TNR: variants seen among roughly 807,000 people sequenced by gnomAD.
TNR encodes tenascin-R.
In TNR, 45 loss-of-function variants were observed where a neutral mutation model predicts 150.4. The ratio of observed to expected loss-of-function variants is 0.30; its 90% confidence interval spans 0.24 to 0.38. The LOEUF is 0.38. TNR is among the 10% of genes least tolerant of loss of function. The probability of loss-of-function intolerance (pLI) is 1.00; values close to 1 mark genes in which losing one functional copy is unlikely to be tolerated. For synonymous variants in TNR, 687 were observed against 678.4 expected, an observed-to-expected ratio of 1.01 and a Z score of -0.20; for missense variants, 1,544 against 1,759.1, an observed-to-expected ratio of 0.88 and a Z score of 2.19.
At chr1:175,453,839 C>T (rs1275698456) in intron 2 of TNR, among the ~76,000 whole-genome samples, 1 of 152,170 alleles carries the variant, frequency 6.6e-6, no homozygotes, top group Non-Finnish European at 1.5e-5. Context: ...TCTCAAAGTG[C>T]TGGTGTTACA....
intron 2 of TNR, among the ~76,000 whole-genome samples, chr1:175,491,832 G>A (rs1282833546): frequency 6.6e-6 from 1 of 151,892 alleles, no homozygotes; most frequent in Non-Finnish European, 1.5e-5. Context: ...TGTATTTTTA[G>A]TAGAGACGGG....
chr1:175,727,080 G>C (rs567791600), intron 1 of TNR, among the ~76,000 whole-genome samples: 1 of 152,298 alleles, frequency 6.6e-6, no homozygotes, highest in African/African-American at 2.4e-5. Flanking sequence ...GCTCTCACAA[G>C]GGGGCTGCCT....
At chr1:175,682,809 C>T (rs1038520934) in intron 1 of TNR, among the ~76,000 whole-genome samples, 1 of 151,998 alleles carries the variant, frequency 6.6e-6, no homozygotes, top group African/African-American at 2.4e-5. Context: ...AGCATGGCAC[C>T]CTTCACCCCT....
At chr1:175,523,719 T>C (rs1659736261) in intron 2 of TNR, among the ~76,000 whole-genome samples, 1 of 152,192 alleles carries the variant, frequency 6.6e-6, no homozygotes, top group African/African-American at 2.4e-5. Flanking sequence ...TCCTATTTCA[T>C]CTGCCCCTCT....
At chr1:175,545,926 G>T (rs1182588733) in intron 1 of TNR, among the ~76,000 whole-genome samples, 2 of 152,264 alleles carry the variant, frequency 1.3e-5, no homozygotes, top group East Asian at 3.9e-4. Context: ...TACAGATGAG[G>T]GATGTGGCAG....
chr1:175,518,378 C>A (rs1031428087), intron 2 of TNR, among the ~76,000 whole-genome samples: 1 of 152,190 alleles, frequency 6.6e-6, no homozygotes, highest in Non-Finnish European at 1.5e-5. Context: ...TATGTCCACA[C>A]AGGTCTGTCC....
In TNR at chr1:175,322,681, C is replaced by T. The variant is rs1028252957; in HGVS notation, c.*676G>A. 3.3e-5 allele frequency: 5 copies of T among 152,200 alleles called. No individual in the cohort carries two copies. Among genetic ancestry groups the T allele is most frequent in the African/African-American group, 1.2e-4 (5 of 41,392 alleles). The allele number at this position is 152,200 out of a possible 1,614,324, so 9.4% of individuals were successfully genotyped here. A position where few individuals can be genotyped will look rare whatever the true frequency, so the allele number is the denominator to read the frequency against. ...CCTGTAGTCCCAGCTACTCAAGAGG[C>T]TGAGACGAGAGGATCACTTAAGCTC... On this transcript the variant is annotated 3_prime_UTR_variant, in exon 23 of 23. Transcript: ENST00000367674.
chr1:175,494,000 C>G (rs1042524921), intron 2 of TNR, among the ~76,000 whole-genome samples: 37 of 152,178 alleles, frequency 2.4e-4, no homozygotes, highest in Non-Finnish European at 4.9e-4. Flanking sequence ...ACCTGTTTTT[C>G]TTTGTATCTG....
intron 2 of TNR, among the ~76,000 whole-genome samples, chr1:175,496,961 C>T (rs982351968): frequency 2.0e-5 from 3 of 152,158 alleles, no homozygotes; most frequent in African/African-American, 7.2e-5. Flanking sequence ...GCTGCCTTTC[C>T]CCCGTAAGTC....
At chr1:175,586,699 T>C (rs1393352687) in intron 1 of TNR, among the ~76,000 whole-genome samples, 1 of 152,192 alleles carries the variant, frequency 6.6e-6, no homozygotes, top group Non-Finnish European at 1.5e-5. Flanking sequence ...GAGAAAAAAG[T>C]GGCCATCTTC....
At chr1:175,347,340 C>T (rs952072018) in intron 18 of TNR, among the ~76,000 whole-genome samples, 1 of 152,108 alleles carries the variant, frequency 6.6e-6, no homozygotes, top group Non-Finnish European at 1.5e-5. Flanking sequence ...TAAACAAACA[C>T]TATTTGTGTT....
At chr1:175,387,020 TA>T (rs1294668041) in intron 7 of TNR, among the ~76,000 whole-genome samples, 2 of 152,214 alleles carry the variant, frequency 1.3e-5, no homozygotes, top group Non-Finnish European at 2.9e-5. Flanking sequence ...CCAGGTTCTC[TA>T]GTGTATTTCC....
Position 175,388,996 on chromosome 1 carries a change from A to G in TNR, c.1507+2292T>C, listed in dbSNP as rs1653053207. 2.0e-5 allele frequency among the ~76,000 whole-genome samples: 3 copies of G among 152,222 alleles called. No homozygotes were observed. The South Asian group carries it at 6.2e-4, about 31-fold the overall frequency. ...TGCAATGTTTTCTATCCTCTTATGA[A>G]CCATCTTCTCCTTTTAGCCTTTTGT... On this transcript the variant is annotated intron_variant, in intron 7 of 22. Transcript: ENST00000367674.
chr1:175,478,141 C>T lies in TNR; in HGVS notation c.-64+50128G>A, dbSNP rs1172874228. 2.0e-5 allele frequency among the ~76,000 whole-genome samples: 3 copies of T among 152,220 alleles called. No individual in the cohort carries two copies. In the East Asian group the frequency reaches 5.8e-4, roughly 29 times the overall value. On this transcript the variant is annotated intron_variant, in intron 2 of 22. Coordinates refer to ENST00000367674, the MANE Select transcript of TNR (RefSeq NM_003285.3). Reference sequence around the variant, plus strand: ...ATTTGGGGTTATGTGTAATTGCTCTCTTGGATTTTTCACTCCATTGGCATT... The same window carrying T: ...ATTTGGGGTTATGTGTAATTGCTCTTTTGGATTTTTCACTCCATTGGCATT...
chr1:175,497,727 G>T (rs551845990), intron 2 of TNR, among the ~76,000 whole-genome samples: 1 of 152,250 alleles, frequency 6.6e-6, no homozygotes, highest in Non-Finnish European at 1.5e-5. Context: ...CGGTCCCTTG[G>T]ATTCTTTAGT....
At chr1:175,452,118 C>T (rs192122672) in intron 2 of TNR, among the ~76,000 whole-genome samples, 19 of 152,320 alleles carry the variant, frequency 1.2e-4, no homozygotes, top group Admixed American at 9.1e-4. Flanking sequence ...CATCGTGCAC[C>T]GGTGCCTCCC....
At chr1:175,504,384 CCAAGCAGAG>C (rs942879239) in intron 2 of TNR, among the ~76,000 whole-genome samples, 6 of 151,966 alleles carry the variant, frequency 3.9e-5, no homozygotes, top group African/African-American at 1.5e-4. Context: ...ACTGCTCCAC[CCAAGCAGAG>C]GAGGCAGGTA....
At chr1:175,614,480 C>T (rs1663704778) in intron 1 of TNR, among the ~76,000 whole-genome samples, 1 of 152,244 alleles carries the variant, frequency 6.6e-6, no homozygotes, top group South Asian at 2.1e-4. Flanking sequence ...TGTCTCACCT[C>T]TTACCACCTT....
intron 2 of TNR, among the ~76,000 whole-genome samples, chr1:175,461,378 C>T (rs950870859): frequency 6.6e-6 from 1 of 152,138 alleles, no homozygotes; most frequent in African/African-American, 2.4e-5. Context: ...CCCTGGCTCA[C>T]CTTTAGATTT....
Sources: allele counts gnomAD v4.1 joint callset (sites outside exome capture counted in the v4.1 genomes callset), GRCh38; gene constraint gnomAD v4.1.1; transcripts MANE v1.5; gene names NCBI Gene and HGNC (gene_info 2026-07-23, HGNC 2026-07-21).